KCND2: variants seen among roughly 807,000 people sequenced by gnomAD.
KCND2 encodes the protein potassium voltage-gated channel subfamily D member 2.
KCND2 carries 16 observed loss-of-function variants against 54.4 expected under a neutral mutation model. That is an observed-to-expected ratio of 0.29 (90% CI 0.20 to 0.45). The LOEUF is 0.45. KCND2 is among the 20% of genes least tolerant of loss of function. The pLI is 1.00. For synonymous variants in KCND2, 317 were observed against 310.7 expected, an observed-to-expected ratio of 1.02 and a Z score of -0.21; for missense variants, 486 against 824.2, an observed-to-expected ratio of 0.59 and a Z score of 5.02.
chr7:120,325,949 G>A (rs1799967755), intron 1 of KCND2, among the ~76,000 whole-genome samples: 1 of 151,970 alleles, frequency 6.6e-6, no homozygotes, highest in Admixed American at 6.6e-5. Context: ...AGTGAAATTA[G>A]GTACACTGGT....
intron 1 of KCND2, among the ~76,000 whole-genome samples, chr7:120,539,658 G>A (rs1420936619): frequency 6.6e-6 from 1 of 152,076 alleles, no homozygotes; most frequent in African/African-American, 2.4e-5. Flanking sequence ...GTATATATAC[G>A]TTACACCATG....
At chr7:120,319,592 C>T (rs1019435389) in intron 1 of KCND2, among the ~76,000 whole-genome samples, 2 of 151,962 alleles carry the variant, frequency 1.3e-5, no homozygotes, top group African/African-American at 4.8e-5. Flanking sequence ...ACACTCTTGC[C>T]GATATATCTA....
intron 1 of KCND2, among the ~76,000 whole-genome samples, chr7:120,684,544 G>A (rs1338626113): frequency 1.3e-5 from 2 of 152,116 alleles, no homozygotes; most frequent in African/African-American, 4.8e-5. Context: ...TAGACCTTAA[G>A]CGTCTCTAGG....
At chr7:120,678,422 CACAT>C (rs1450955630) in intron 1 of KCND2, among the ~76,000 whole-genome samples, 3 of 139,784 alleles carry the variant, frequency 2.1e-5, no homozygotes, top group East Asian at 5.8e-4. Context: ...TACACATACA[CACAT>C]ATATATACAC....
At chr7:120,450,623 A>G (rs1403548346) in intron 1 of KCND2, among the ~76,000 whole-genome samples, 1 of 152,240 alleles carries the variant, frequency 6.6e-6, no homozygotes, top group Non-Finnish European at 1.5e-5. Flanking sequence ...CAGCTGCAGC[A>G]TGCATTCTAA....
At chr7:120,517,013 G>A (rs1803206436) in intron 1 of KCND2, among the ~76,000 whole-genome samples, 1 of 152,096 alleles carries the variant, frequency 6.6e-6, no homozygotes, top group African/African-American at 2.4e-5. Context: ...GAAACTATTT[G>A]ATCCAGTAAA....
chr7:120,345,133 A>G (rs1800295996), intron 1 of KCND2, among the ~76,000 whole-genome samples: 1 of 152,148 alleles, frequency 6.6e-6, no homozygotes, highest in African/African-American at 2.4e-5. Flanking sequence ...AAACACCCAC[A>G]ATGTATAATT....
chr7:120,549,012 T>C (rs903410706), intron 1 of KCND2, among the ~76,000 whole-genome samples: 13 of 152,064 alleles, frequency 8.5e-5, no homozygotes, highest in Non-Finnish European at 1.5e-5. Context: ...ATCTTTTTAT[T>C]GGACTTTGGA....
At chr7:120,531,277 A>T (rs1380781204) in intron 1 of KCND2, among the ~76,000 whole-genome samples, 1 of 152,144 alleles carries the variant, frequency 6.6e-6, no homozygotes. Flanking sequence ...AAAAAAGGCA[A>T]TTCAATTATA....
intron 1 of KCND2, among the ~76,000 whole-genome samples, chr7:120,292,294 A>G (rs905855837): frequency 6.6e-6 from 1 of 151,854 alleles, no homozygotes; most frequent in Non-Finnish European, 1.5e-5. Context: ...TTATTTTTTT[A>G]AGTGCCCATG....
intron 1 of KCND2, among the ~76,000 whole-genome samples, chr7:120,680,062 G>A (rs1792119979): frequency 6.6e-6 from 1 of 152,098 alleles, no homozygotes; most frequent in Admixed American, 6.6e-5. Context: ...TAATTTGCAT[G>A]AGAATAGTTG....
Position 120,274,807 on chromosome 7 carries a change from C to G in KCND2, c.175C>G (p.Leu59Val), listed in dbSNP as rs1799147946. Residue 59 changes from leucine (L) to valine (V), a missense_variant, in exon 1 of 6, where the codon CTG (leucine) becomes GTG (valine). Around this residue, in one of 7 missense-constraint regions of KCND2, gnomAD observed 231 missense variants for 386.0 expected, o/e 0.60. Coordinates refer to ENST00000331113, the MANE Select transcript of KCND2 (RefSeq NM_012281.3). ...CCGCTTCCAGACGTGGCAGGACACC[C>G]TGGAACGTTACCCAGACACTCTACT... Reference protein sequence around the residue: ...GTRFQTWQDTLERYPDTLLGS... With the variant: ...GTRFQTWQDTVERYPDTLLGS... The G allele has an allele frequency of 6.2e-7, 1 of 1,614,098 alleles. No individual in the cohort carries two copies. Among genetic ancestry groups the G allele is most frequent in the East Asian group, 2.2e-5 (1 of 44,852 alleles).
intron 1 of KCND2, among the ~76,000 whole-genome samples, chr7:120,576,223 A>G (rs1335876206): frequency 6.6e-6 from 1 of 152,238 alleles, no homozygotes; most frequent in Non-Finnish European, 1.5e-5. Flanking sequence ...AGTAGCAAAG[A>G]TGAAAAATTT....
intron 1 of KCND2, among the ~76,000 whole-genome samples, chr7:120,543,143 C>CAA (rs1212288433): frequency 1.3e-5 from 2 of 151,908 alleles, no homozygotes; most frequent in South Asian, 2.1e-4. Context: ...AACATAACCT[C>CAA]AAAATATATA....
intron 1 of KCND2, among the ~76,000 whole-genome samples, chr7:120,306,725 G>A (rs566958009): frequency 4.3e-4 from 65 of 151,884 alleles, no homozygotes; most frequent in Admixed American, 1.2e-3. Context: ...CTTCTATACC[G>A]TTATCATATT....
intron 1 of KCND2, among the ~76,000 whole-genome samples, chr7:120,695,356 A>T (rs1792320878): frequency 6.6e-6 from 1 of 152,126 alleles, no homozygotes; most frequent in Non-Finnish European, 1.5e-5. Context: ...GTCCTTAATT[A>T]TAAGAAATAT....
chr7:120,430,475 T>G (rs1446928265), intron 1 of KCND2, among the ~76,000 whole-genome samples: 1 of 151,850 alleles, frequency 6.6e-6, no homozygotes, highest in African/African-American at 2.4e-5. Flanking sequence ...AAAAATTACC[T>G]GGTATGCACC....
chr7:120,636,405 C>T (rs1273314037), intron 1 of KCND2, among the ~76,000 whole-genome samples: 1 of 152,052 alleles, frequency 6.6e-6, no homozygotes, highest in African/African-American at 2.4e-5. Flanking sequence ...TATGTTTGCA[C>T]TAAAGAGTCT....
At chr7:120,536,606 A>G (rs1791910383) in intron 1 of KCND2, among the ~76,000 whole-genome samples, 1 of 152,206 alleles carries the variant, frequency 6.6e-6, no homozygotes, top group Non-Finnish European at 1.5e-5. Flanking sequence ...CAATATTCAC[A>G]GTATCTTCAC....
Sources: allele counts gnomAD v4.1 joint callset (sites outside exome capture counted in the v4.1 genomes callset), GRCh38; gene constraint gnomAD v4.1.1; regional missense constraint gnomAD v4.1.1; transcripts MANE v1.5; gene names NCBI Gene and HGNC (gene_info 2026-07-23, HGNC 2026-07-21).